FAM167A: variants seen among roughly 807,000 people sequenced by gnomAD.
The protein encoded by FAM167A is protein FAM167A.
A neutral mutation model predicts 14.9 loss-of-function variants in FAM167A; 23 were observed. The ratio of observed to expected loss-of-function variants is 1.55; its 90% CI spans 1.11 to 2.19. The LOEUF (loss-of-function observed/expected upper bound fraction) is 2.19, where lower values mean the gene tolerates loss of function less well. Ranked by LOEUF, FAM167A falls within the 30% of genes most tolerant of loss-of-function variation. The pLI is 0.00. For missense variants in FAM167A, 401 were observed against 281.5 expected (o/e 1.42, Z -3.04); for synonymous variants, 174 against 117.7 (o/e 1.48, Z -3.10).
chr8:11,463,085 A>G (rs992837979), intron 1 of FAM167A, among the ~76,000 whole-genome samples: 3 of 152,292 alleles, frequency 2.0e-5, no homozygotes, highest in African/African-American at 7.2e-5. Context: ...GACTTGTTTC[A>G]GGTAAATATT....
intron 1 of FAM167A, among the ~76,000 whole-genome samples, chr8:11,464,917 G>C (rs185183152): frequency 2.6e-5 from 4 of 152,190 alleles, no homozygotes; most frequent in Admixed American, 6.5e-5. Flanking sequence ...CCTCCTGGAG[G>C]GGGGCCAAGC....
chr8:11,459,282 C>T (rs1807447418), intron 1 of FAM167A, among the ~76,000 whole-genome samples: 1 of 152,148 alleles, frequency 6.6e-6, no homozygotes, highest in African/African-American at 2.4e-5. Context: ...ACAAGCAGGT[C>T]AGGGAAGGAA....
At chr8:11,467,777 C>G (rs192483678), upstream of FAM167A, among the ~76,000 whole-genome samples, 1 of 152,254 alleles carries the variant, frequency 6.6e-6, no homozygotes. Context: ...GCGTCCTTCA[C>G]TGCAACTCCG....
chr8:11,474,837 TG>T (rs1321483228), intron 1 of FAM167A: 1 of 130,978 alleles, frequency 7.6e-6, no homozygotes, highest in Non-Finnish European at 1.6e-5. Flanking sequence ...AGGAGGAAGA[TG>T]AGGAGGCAGA....
At chr8:11,427,903 A>G (rs1805295156) in intron 2 of FAM167A, among the ~76,000 whole-genome samples, 1 of 152,242 alleles carries the variant, frequency 6.6e-6, no homozygotes, top group Non-Finnish European at 1.5e-5. Context: ...TAATGATGAT[A>G]GGGTGGCTGG....
intron 1 of FAM167A, among the ~76,000 whole-genome samples, chr8:11,472,657 C>T (rs1007738117): frequency 1.3e-5 from 2 of 152,116 alleles, no homozygotes; most frequent in Non-Finnish European, 2.9e-5. Context: ...AAGCAGTCCT[C>T]TCACCCAGTG....
chr8:11,432,974 A>G (rs767267277), intron 2 of FAM167A, among the ~76,000 whole-genome samples: 1 of 152,166 alleles, frequency 6.6e-6, no homozygotes, highest in Non-Finnish European at 1.5e-5. Flanking sequence ...ACAGAAAACC[A>G]AACACGGCAT....
At chr8:11,464,611 G>C (rs1223499272) in intron 1 of FAM167A, among the ~76,000 whole-genome samples, 1 of 152,208 alleles carries the variant, frequency 6.6e-6, no homozygotes, top group Non-Finnish European at 1.5e-5. Context: ...TTAGTGGCAC[G>C]TGCGTGCTCT....
upstream of FAM167A, among the ~76,000 whole-genome samples, chr8:11,468,810 A>G (rs781241016): frequency 2.6e-5 from 4 of 152,208 alleles, no homozygotes; most frequent in African/African-American, 4.8e-5. Context: ...GAATTGTGGC[A>G]TGCCTCAAAT....
At chr8:11,433,889 C>T (rs1231238348) in intron 2 of FAM167A, 1 of 152,224 alleles carries the variant, frequency 6.6e-6, no homozygotes, top group African/African-American at 2.4e-5. Flanking sequence ...TGTGTAATCT[C>T]TTTCCTTATC....
chr8:11,443,600 C>G (rs1329941767), intron 2 of FAM167A: 1 of 181,074 alleles, frequency 5.5e-6, no homozygotes, highest in African/African-American at 2.4e-5. Context: ...CAGCGCCCAG[C>G]ACAAGAAGAG....
At chr8:11,457,256 G>T (rs1235862647) in intron 1 of FAM167A, among the ~76,000 whole-genome samples, 1 of 151,962 alleles carries the variant, frequency 6.6e-6, no homozygotes, top group Non-Finnish European at 1.5e-5. Context: ...AGCCAGGACA[G>T]CACTAGCCTT....
intron 1 of FAM167A, among the ~76,000 whole-genome samples, chr8:11,448,090 A>T (rs1806864680): frequency 6.6e-6 from 1 of 151,878 alleles, no homozygotes; most frequent in Non-Finnish European, 1.5e-5. Context: ...GCTACTTGGG[A>T]GACTGGGGCA....
intron 2 of FAM167A, among the ~76,000 whole-genome samples, chr8:11,441,015 A>T (rs1382743136): frequency 6.6e-6 from 1 of 152,176 alleles, no homozygotes; most frequent in African/African-American, 2.4e-5. Flanking sequence ...GGGTTTTTGC[A>T]AGTTGCTTTC....
At chr8:11,463,163 G>T (rs1366547716) in intron 1 of FAM167A, among the ~76,000 whole-genome samples, 1 of 152,212 alleles carries the variant, frequency 6.6e-6, no homozygotes, top group Non-Finnish European at 1.5e-5. Context: ...TGATAATGAG[G>T]CTGGCTTCAC....
intron 1 of FAM167A, among the ~76,000 whole-genome samples, chr8:11,460,849 C>T (rs1405217143): frequency 2.6e-5 from 4 of 152,146 alleles, no homozygotes; most frequent in East Asian, 1.9e-4. Context: ...AACAGGGAAA[C>T]CTTGCTTGTC....
intron 2 of FAM167A, among the ~76,000 whole-genome samples, chr8:11,433,207 A>AAAT (rs1276469018): frequency 3.0e-4 from 46 of 152,130 alleles, no homozygotes; most frequent in African/African-American, 1.0e-3. Context: ...AGTATGATAA[A>AAAT]AAAAAATAAA....
intron 1 of FAM167A, among the ~76,000 whole-genome samples, chr8:11,448,876 C>T (rs925560697): frequency 3.3e-5 from 5 of 152,214 alleles, no homozygotes; most frequent in East Asian, 3.9e-4. Flanking sequence ...GTCCTTTCCT[C>T]GTGGCCTCAG....
intron 2 of FAM167A, 189 bp downstream of exon 2, chr8:11,443,841 TC>T: frequency 1.5e-6 from 1 of 675,086 alleles, no homozygotes; most frequent in Non-Finnish European, 2.4e-6. Context: ...GACACCTGGG[TC>T]CCCCCAGCCA....
Sources: gnomAD v4.1 joint callset for allele counts (sites outside exome capture counted in the v4.1 genomes callset) on GRCh38, gnomAD v4.1.1 for gene constraint, MANE v1.5 for transcripts, NCBI Gene and HGNC (gene_info 2026-07-23, HGNC 2026-07-21) for gene names.